ZNF705A: variants seen among roughly 807,000 people sequenced by gnomAD.
ZNF705A encodes zinc finger protein 705A.
A neutral mutation model predicts 16.6 loss-of-function variants in ZNF705A; 8 were observed. That is an observed-to-expected ratio of 0.48 (90% CI 0.28 to 0.87). ZNF705A has a LOEUF of 0.87. Ranked by LOEUF, ZNF705A falls within the 40% of genes least tolerant of loss-of-function variation. The pLI is 0.10. For missense variants in ZNF705A, 233 were observed against 359.9 expected, an observed-to-expected ratio of 0.65 and a Z score of 2.85; for synonymous variants, 73 against 117.3, an observed-to-expected ratio of 0.62 and a Z score of 2.44.
chr12:8,176,788 G>C (rs1166977314), intron 4 of ZNF705A, among the ~76,000 whole-genome samples: 2 of 152,138 alleles, frequency 1.3e-5, no homozygotes, highest in African/African-American at 4.8e-5. Flanking sequence ...GGGGGAGGCA[G>C]GTTTCTGTGA....
chr12:8,168,598 T>C (rs1948419604), upstream of ZNF705A, among the ~76,000 whole-genome samples: 2 of 152,216 alleles, frequency 1.3e-5, no homozygotes, highest in Admixed American at 1.3e-4. Context: ...AAACTGTAAA[T>C]TAATTATAAT....
At chr12:8,164,545 C>A (rs1948382624) in intron 1 of ZNF705A, among the ~76,000 whole-genome samples, 1 of 152,214 alleles carries the variant, frequency 6.6e-6, no homozygotes, top group African/African-American at 2.4e-5. Flanking sequence ...TCCATGTGTT[C>A]TCACCGTTCT....
intron 4 of ZNF705A, 69 bp from the exon 6 acceptor site, chr12:8,176,930 A>T (rs1255163990): frequency 1.3e-6 from 2 of 1,564,140 alleles, no homozygotes; most frequent in Admixed American, 1.7e-5. Context: ...CTAGGATTCA[A>T]AGGTAGTGAA....
At chr12:8,171,108 AT>A (rs1157480734), upstream of ZNF705A, among the ~76,000 whole-genome samples, 1 of 152,200 alleles carries the variant, frequency 6.6e-6, no homozygotes, top group African/African-American at 2.4e-5. Flanking sequence ...AAATTGGTAA[AT>A]AAATTATAAT....
At chr12:8,162,670 A>G (rs1948365712) in intron 1 of ZNF705A, among the ~76,000 whole-genome samples, 1 of 152,160 alleles carries the variant, frequency 6.6e-6, no homozygotes, top group African/African-American at 2.4e-5. Flanking sequence ...GAGAGCAAGA[A>G]AAGTTAAAAG....
chr12:8,168,497 G>C (rs1392203876), upstream of ZNF705A, among the ~76,000 whole-genome samples: 1 of 151,958 alleles, frequency 6.6e-6, no homozygotes, highest in East Asian at 1.9e-4. Context: ...TTCCATTTTT[G>C]TTTTGACCAT....
chr12:8,166,245 T>C (rs1299964525), intron 1 of ZNF705A, among the ~76,000 whole-genome samples: 3 of 152,134 alleles, frequency 2.0e-5, no homozygotes, highest in Non-Finnish European at 1.5e-5. Flanking sequence ...CGCCATGAAG[T>C]CTCCACCCCA....
chr12:8,166,833 C>G (rs2120709694), intron 1 of ZNF705A, among the ~76,000 whole-genome samples: 1 of 152,378 alleles, frequency 6.6e-6, no homozygotes, highest in East Asian at 1.9e-4. Flanking sequence ...TGGGCCCAGC[C>G]CACAAAACCA....
At chr12:8,179,097 C>T (rs768319934) in exon 5 of ZNF705A, 3 of 152,374 alleles carry the variant, frequency 2.0e-5, no homozygotes, top group African/African-American at 7.2e-5. Flanking sequence ...GCCCTTGCCT[C>T]TGTCTCTGAG....
chr12:8,176,785 G>A (rs2120733627), intron 4 of ZNF705A, among the ~76,000 whole-genome samples: 1 of 152,228 alleles, frequency 6.6e-6, no homozygotes, highest in South Asian at 2.1e-4. Flanking sequence ...GAAGGGGGAG[G>A]CAGGTTTCTG....
chr12:8,161,476 G>T (rs978399903), intron 1 of ZNF705A, among the ~76,000 whole-genome samples: 1 of 145,422 alleles, frequency 6.9e-6, no homozygotes, highest in African/African-American at 2.6e-5. Context: ...CAATCTTGCT[G>T]CTTGTTACTG....
upstream of ZNF705A, among the ~76,000 whole-genome samples, chr12:8,168,406 GGCA>G: frequency 6.6e-6 from 1 of 152,190 alleles, no homozygotes; most frequent in South Asian, 2.1e-4. Flanking sequence ...GTCCCATCAA[GGCA>G]GCATCTCATT....
chr12:8,178,199 G>A (rs1948501959), exon 5 of ZNF705A: 1 of 154,366 alleles, frequency 6.5e-6, no homozygotes. Context: ...AGAAAACAGA[G>A]TGATAAAATG....
intron 1 of ZNF705A, 47 bp from the exon 3 acceptor site, chr12:8,174,279 T>A: frequency 3.1e-6 from 5 of 1,595,834 alleles, no homozygotes; most frequent in Non-Finnish European, 4.2e-6. Context: ...CTTCCGGACA[T>A]TGAAAGGGAT....
At chr12:8,170,212 A>G, upstream of ZNF705A, among the ~76,000 whole-genome samples, 1 of 141,722 alleles carries the variant, frequency 7.1e-6, no homozygotes, top group Non-Finnish European at 1.5e-5. Context: ...AAAAAAGGAG[A>G]GAGAGACATC....
chr12:8,172,122 G>T (rs745635309), upstream of ZNF705A, among the ~76,000 whole-genome samples: 1 of 151,756 alleles, frequency 6.6e-6, no homozygotes, highest in Non-Finnish European at 1.5e-5. Flanking sequence ...GTGGAGTAAA[G>T]CTTCAGAAGG....
chr12:8,175,839 T>C (rs1249071442), intron 3 of ZNF705A, 21 bp from the exon 5 acceptor site: 1 of 1,611,196 alleles, frequency 6.2e-7, no homozygotes, highest in African/African-American at 1.3e-5. Context: ...AATGTAACAA[T>C]TTATTTTTCA....
exon 5 of ZNF705A, chr12:8,179,889 T>C (rs1251652869): frequency 6.6e-6 from 1 of 152,242 alleles, no homozygotes; most frequent in East Asian, 1.9e-4. Flanking sequence ...AAATGCATGG[T>C]GGCAGATCTC....
chr12:8,158,319 A>G (rs773730110), intron 1 of ZNF705A, among the ~76,000 whole-genome samples: 23 of 152,146 alleles, frequency 1.5e-4, no homozygotes, highest in Non-Finnish European at 3.1e-4. Context: ...ACCCCAAACA[A>G]CCATTGAGCT....
Sources: allele counts gnomAD v4.1 joint callset (sites outside exome capture counted in the v4.1 genomes callset), GRCh38; gene constraint gnomAD v4.1.1; transcripts MANE v1.5; gene names NCBI Gene and HGNC (gene_info 2026-07-23, HGNC 2026-07-21).